Variants in SLC14A2 observed in about 807,000 individuals in gnomAD.
SLC14A2 encodes urea transporter 2.
In SLC14A2, 91 loss-of-function variants were observed where a neutral mutation model predicts 104.6. The ratio of observed to expected loss-of-function variants is 0.87; its 90% CI spans 0.73 to 1.04. The LOEUF (loss-of-function observed/expected upper bound fraction) is 1.04, where lower values mean the gene tolerates loss of function less well. Among genes scored for constraint, SLC14A2 ranks in the 50% least tolerant of loss-of-function variants. The probability of loss-of-function intolerance (pLI) is 0.00; values close to 1 mark genes in which losing one functional copy is unlikely to be tolerated. For synonymous variants in SLC14A2, 476 were observed against 466.4 expected, an observed-to-expected ratio of 1.02 and a Z score of -0.27; for missense variants, 1,189 against 1,156.0, an observed-to-expected ratio of 1.03 and a Z score of -0.41.
intron 1 of SLC14A2, among the ~76,000 whole-genome samples, chr18:45,384,859 C>T (rs1310090870): frequency 6.6e-6 from 1 of 152,210 alleles, no homozygotes; most frequent in Non-Finnish European, 1.5e-5. Context: ...GTGAAAGTTC[C>T]TCTATGACTT....
chr18:45,668,103 A>G, intron 14 of SLC14A2, 81 bp downstream of exon 14: 1 of 1,380,350 alleles, frequency 7.2e-7, no homozygotes, highest in Non-Finnish European at 1.0e-6. Flanking sequence ...TTCCCAGCTG[A>G]GAAATCCTCA....
At chr18:45,538,470 C>T (rs1413409026) in intron 2 of SLC14A2, among the ~76,000 whole-genome samples, 3 of 152,218 alleles carry the variant, frequency 2.0e-5, no homozygotes, top group African/African-American at 7.2e-5. Context: ...GGAGAATCCA[C>T]TCCTAATCTC....
intron 1 of SLC14A2, among the ~76,000 whole-genome samples, chr18:45,236,521 G>A (rs1311353309): frequency 1.3e-5 from 1 of 74,764 alleles, no homozygotes; most frequent in Non-Finnish European, 3.0e-5. Context: ...GTGTATATAT[G>A]TGTATATATG....
At chr18:45,207,847 C>T in the SLC14A2 span, among the ~76,000 whole-genome samples, 2 of 152,084 alleles carry the variant, frequency 1.3e-5, no homozygotes, top group South Asian at 4.1e-4. Flanking sequence ...TAATAACTAA[C>T]ATTTGCAGAG....
chr18:45,350,164 A>G (rs796768131), intron 1 of SLC14A2, among the ~76,000 whole-genome samples: 3 of 152,344 alleles, frequency 2.0e-5, no homozygotes, highest in African/African-American at 4.8e-5. Flanking sequence ...AGCATTTCCT[A>G]TGACTGAAGG....
At chr18:45,198,001 C>T in the SLC14A2 span, among the ~76,000 whole-genome samples, 1 of 151,978 alleles carries the variant, frequency 6.6e-6, no homozygotes, top group South Asian at 2.1e-4. Flanking sequence ...ACCAAGTTAT[C>T]CTGAATATAA....
intron 1 of SLC14A2, among the ~76,000 whole-genome samples, chr18:45,376,217 C>T (rs571168872): frequency 6.6e-6 from 1 of 152,298 alleles, no homozygotes; most frequent in African/African-American, 2.4e-5. Flanking sequence ...TGCACGCCGC[C>T]ACTTTACTTT....
intron 2 of SLC14A2, among the ~76,000 whole-genome samples, chr18:45,552,245 A>C (rs2044065870): frequency 6.6e-6 from 1 of 152,212 alleles, no homozygotes; most frequent in Non-Finnish European, 1.5e-5. Flanking sequence ...AACAAGGGAC[A>C]TGCTCCATGT....
At chr18:45,263,411 G>C (rs749763479) in intron 1 of SLC14A2, among the ~76,000 whole-genome samples, 1 of 152,150 alleles carries the variant, frequency 6.6e-6, no homozygotes, top group Admixed American at 6.6e-5. Flanking sequence ...TGTTTGCCGA[G>C]TTGCTCCACT....
At chr18:45,537,151 C>T (rs1329096418) in intron 2 of SLC14A2, among the ~76,000 whole-genome samples, 1 of 151,122 alleles carries the variant, frequency 6.6e-6, no homozygotes, top group Non-Finnish European at 1.5e-5. Flanking sequence ...CTTCTAGGTG[C>T]TGAAGATATA....
intron 1 of SLC14A2, among the ~76,000 whole-genome samples, chr18:45,422,135 C>T (rs575762889): frequency 6.6e-6 from 1 of 152,268 alleles, no homozygotes; most frequent in African/African-American, 2.4e-5. Flanking sequence ...GGAGCTATAG[C>T]AGGTTTCTGA....
At chr18:45,284,956 C>T (rs2084798806) in intron 1 of SLC14A2, among the ~76,000 whole-genome samples, 1 of 152,090 alleles carries the variant, frequency 6.6e-6, no homozygotes, top group Non-Finnish European at 1.5e-5. Flanking sequence ...GAATAAACCA[C>T]CTGATGGGAT....
At chr18:45,417,230 T>C (rs549229262) in intron 1 of SLC14A2, among the ~76,000 whole-genome samples, 1 of 151,406 alleles carries the variant, frequency 6.6e-6, no homozygotes, top group South Asian at 2.1e-4. Context: ...AATTATGGGG[T>C]TTTTTTTAAG....
chr18:45,240,442 C>T (rs921613334), intron 1 of SLC14A2, among the ~76,000 whole-genome samples: 3 of 151,882 alleles, frequency 2.0e-5, no homozygotes, highest in Non-Finnish European at 4.4e-5. Context: ...GATAGGATGC[C>T]CAGTATATAT....
intron 10 of SLC14A2, among the ~76,000 whole-genome samples, chr18:45,654,467 G>T (rs1199629347): frequency 2.0e-5 from 3 of 152,154 alleles, no homozygotes; most frequent in Non-Finnish European, 4.4e-5. Flanking sequence ...TCCTGGGGGA[G>T]AGAGCTGAAC....
At chr18:45,252,740 G>T (rs2084435760) in intron 1 of SLC14A2, among the ~76,000 whole-genome samples, 1 of 149,588 alleles carries the variant, frequency 6.7e-6, no homozygotes, top group Non-Finnish European at 1.5e-5. Flanking sequence ...ATCAAAGTTA[G>T]ATGTTTCACT....
chr18:45,273,544 TCTA>T (rs1223777656), intron 1 of SLC14A2, among the ~76,000 whole-genome samples: 1 of 152,080 alleles, frequency 6.6e-6, no homozygotes, highest in Non-Finnish European at 1.5e-5. Context: ...ATCAAATACT[TCTA>T]CACTCTAGAC....
intron 1 of SLC14A2, among the ~76,000 whole-genome samples, chr18:45,269,747 G>C (rs1009728869): frequency 1.3e-5 from 2 of 152,138 alleles, no homozygotes; most frequent in African/African-American, 2.4e-5. Context: ...AGGATAAAGG[G>C]GGGAACATCA....
chr18:45,493,762 A>C (rs1477965741), intron 2 of SLC14A2, among the ~76,000 whole-genome samples: 1 of 152,236 alleles, frequency 6.6e-6, no homozygotes, highest in Non-Finnish European at 1.5e-5. Flanking sequence ...ATGTTTCTTT[A>C]AGTGTTGTTC....
Sources: gnomAD v4.1 joint callset for allele counts (sites outside exome capture counted in the v4.1 genomes callset) on GRCh38, gnomAD v4.1.1 for gene constraint, MANE v1.5 for transcripts, NCBI Gene and HGNC (gene_info 2026-07-23, HGNC 2026-07-21) for gene names.